The following ZBTB16 variants were observed in gnomAD, a reference collection of about 807,000 sequenced individuals.
ZBTB16 encodes zinc finger and BTB domain-containing protein 16.
In ZBTB16, 8 loss-of-function variants were observed where a neutral mutation model predicts 56.8. The ratio of observed to expected loss-of-function variants is 0.14; its 90% CI spans 0.08 to 0.25. The LOEUF (loss-of-function observed/expected upper bound fraction) is 0.25, where lower values mean the gene tolerates loss of function less well. Ranked by LOEUF, ZBTB16 falls within the 10% of genes least tolerant of loss-of-function variation. The pLI is 1.00. For synonymous variants in ZBTB16, 363 were observed against 368.5 expected, an observed-to-expected ratio of 0.98 and a Z score of 0.17; for missense variants, 625 against 903.0, an observed-to-expected ratio of 0.69 and a Z score of 3.95.
intron 2 of ZBTB16, among the ~76,000 whole-genome samples, chr11:114,072,152 T>C (rs1412603851): frequency 6.6e-6 from 1 of 152,276 alleles, no homozygotes; most frequent in Admixed American, 6.5e-5. Context: ...GTCCAGATCC[T>C]GCTTTCTCCC....
intron 2 of ZBTB16, among the ~76,000 whole-genome samples, chr11:114,089,711 A>G (rs1940112437): frequency 6.6e-6 from 1 of 152,156 alleles, no homozygotes; most frequent in African/African-American, 2.4e-5. Context: ...CCCACTGGGG[A>G]ATCATCTTTT....
chr11:114,152,259 C>T (rs1942296492), intron 2 of ZBTB16, among the ~76,000 whole-genome samples: 1 of 152,176 alleles, frequency 6.6e-6, no homozygotes, highest in Non-Finnish European at 1.5e-5. Context: ...GGAGTTTGCT[C>T]TCTAAACCAG....
intron 3 of ZBTB16, among the ~76,000 whole-genome samples, chr11:114,161,795 A>G (rs2134976904): frequency 6.6e-6 from 1 of 150,772 alleles, no homozygotes; most frequent in South Asian, 2.1e-4. Context: ...TTGTGTCTGG[A>G]ATAGAAGGGA....
chr11:114,138,243 C>T (rs963742887), intron 2 of ZBTB16, among the ~76,000 whole-genome samples: 55 of 152,116 alleles, frequency 3.6e-4, no homozygotes, highest in African/African-American at 1.1e-3. Context: ...ATTCATATTT[C>T]GAGCTTGGTA....
At chr11:114,234,122 G>T (rs184771827) in intron 4 of ZBTB16, among the ~76,000 whole-genome samples, 1 of 152,092 alleles carries the variant, frequency 6.6e-6, no homozygotes, top group East Asian at 1.9e-4. Context: ...CTTTTCTCTT[G>T]TGGAAATGGA....
At chr11:114,124,085 G>T (rs1672676) in intron 2 of ZBTB16, among the ~76,000 whole-genome samples, 1 of 151,996 alleles carries the variant, frequency 6.6e-6, no homozygotes, top group Non-Finnish European at 1.5e-5. Context: ...GGAGATGGTC[G>T]GGGGTAATGG....
chr11:114,230,722 A>G lies in ZBTB16; in HGVS notation c.1454-11445A>G, dbSNP rs182003634. Among the ~76,000 whole-genome samples the G allele has an allele frequency of 4.6e-3, 699 of 151,320 alleles. 6 individuals are homozygous for G. The highest frequency in any genetic ancestry group is 0.016 in the African/African-American group (668 of 41,270). On this transcript the variant is annotated intron_variant, in intron 4 of 6. Transcript: ENST00000335953. ...TTGTTATTTTGTTTTGCTTATTTAT[A>G]TGGGGTAGTTTTTCTTTTCATTGCC...
chr11:114,135,017 A>T (rs562647652), intron 2 of ZBTB16, among the ~76,000 whole-genome samples: 1 of 152,240 alleles, frequency 6.6e-6, no homozygotes, highest in Non-Finnish European at 1.5e-5. Flanking sequence ...CCCATGGAAG[A>T]TGCAAGAATG....
intron 4 of ZBTB16, among the ~76,000 whole-genome samples, chr11:114,220,152 G>C (rs908692403): frequency 6.6e-6 from 1 of 152,218 alleles, no homozygotes; most frequent in African/African-American, 2.4e-5. Flanking sequence ...TAATAGGCTG[G>C]TCATTCAGAT....
intron 2 of ZBTB16, among the ~76,000 whole-genome samples, chr11:114,077,689 G>A (rs1481738704): frequency 6.6e-6 from 1 of 152,200 alleles, no homozygotes; most frequent in African/African-American, 2.4e-5. Flanking sequence ...GCCTTGCAAA[G>A]CAGGCTGCAC....
intron 2 of ZBTB16, among the ~76,000 whole-genome samples, chr11:114,148,437 T>G (rs12799422): frequency 0.12 from 6,146 of 53,394 alleles, 1,446 homozygotes; most frequent in Middle Eastern, 0.25. Flanking sequence ...CTCTCTCTCT[T>G]TCTCTCTCTC....
chr11:114,200,127 CAA>C (rs796851438), intron 4 of ZBTB16, among the ~76,000 whole-genome samples: 16 of 105,060 alleles, frequency 1.5e-4, no homozygotes, highest in African/African-American at 3.5e-4. Context: ...GACTCCGTCT[CAA>C]AAAAAAAAAA....
chr11:114,125,688 G>A (rs1286616629), intron 2 of ZBTB16, among the ~76,000 whole-genome samples: 1 of 152,066 alleles, frequency 6.6e-6, no homozygotes, highest in Non-Finnish European at 1.5e-5. Context: ...GGACCTCCTG[G>A]CCTCCTTTGG....
rs77618520 is a variant in ZBTB16, at chr11:114,123,596, G to A, written c.1269-32741G>A. Reference sequence around the variant, plus strand: ...AAGGAATGTTTGAGGGTGGCCTTGGGTTCCTGTTGGCTGTGAACACACTCC... The same window carrying A: ...AAGGAATGTTTGAGGGTGGCCTTGGATTCCTGTTGGCTGTGAACACACTCC... On this transcript the variant is annotated intron_variant, in intron 2 of 6. Transcript: ENST00000335953. Among the ~76,000 whole-genome samples the A allele has an allele frequency of 5.8e-3, 890 of 152,270 alleles. 6 individuals are homozygous for A. The highest frequency in any genetic ancestry group is 0.01 in the Non-Finnish European group (687 of 68,016).
chr11:114,148,428 T>TCTGTCTGTCTGTCC (rs1942184475), intron 2 of ZBTB16, among the ~76,000 whole-genome samples: 1 of 28,392 alleles, frequency 3.5e-5, no homozygotes, highest in African/African-American at 9.6e-5. Context: ...TCCCTCCCTC[T>TCTGTCTGTCTGTCC]CTCTCTCTTT....
At chr11:114,103,091 A>G (rs1940671437) in intron 2 of ZBTB16, among the ~76,000 whole-genome samples, 1 of 152,228 alleles carries the variant, frequency 6.6e-6, no homozygotes, top group Non-Finnish European at 1.5e-5. Flanking sequence ...ACTTCATTGC[A>G]TTGATAATTG....
chr11:114,196,037 A>G (rs1001534335), intron 4 of ZBTB16, among the ~76,000 whole-genome samples: 1 of 152,190 alleles, frequency 6.6e-6, no homozygotes, highest in Admixed American at 6.5e-5. Flanking sequence ...ACTTTGAGCA[A>G]TCTCAGGGAG....
chr11:114,105,768 A>G (rs973585817), intron 2 of ZBTB16, among the ~76,000 whole-genome samples: 5 of 152,310 alleles, frequency 3.3e-5, no homozygotes, highest in Non-Finnish European at 5.9e-5. Context: ...ACTTAGAAGG[A>G]AGACAAATAC....
At chr11:114,096,935 T>TAC (rs902831960) in intron 2 of ZBTB16, among the ~76,000 whole-genome samples, 7 of 151,674 alleles carry the variant, frequency 4.6e-5, no homozygotes, top group Admixed American at 2.6e-4. Context: ...GTTATGTGTA[T>TAC]ACACACACAC....
Sources: gnomAD v4.1 joint callset for allele counts (sites outside exome capture counted in the v4.1 genomes callset) on GRCh38, gnomAD v4.1.1 for gene constraint, MANE v1.5 for transcripts, NCBI Gene and HGNC (gene_info 2026-07-23, HGNC 2026-07-21) for gene names.